PTHLH: variants seen among roughly 807,000 people sequenced by gnomAD.
PTHLH encodes the protein parathyroid hormone like hormone, also known as parathyroid hormone-related protein.
In PTHLH, 5 loss-of-function variants were observed where a neutral mutation model predicts 18.6. That is an observed-to-expected ratio of 0.27 (90% CI 0.14 to 0.56). PTHLH has a LOEUF of 0.56. Ranked by LOEUF, PTHLH falls within the 20% of genes least tolerant of loss-of-function variation. PTHLH has a pLI of 0.92. For synonymous variants in PTHLH, 90 were observed against 94.0 expected, an observed-to-expected ratio of 0.96 and a Z score of 0.25; for missense variants, 207 against 223.9, an observed-to-expected ratio of 0.92 and a Z score of 0.48.
At position 27,958,462 on chromosome 12, in the gene PTHLH, T is replaced by G. The variant is rs1006710217; in HGVS notation, c.*97A>C. On this transcript the variant is annotated 3_prime_UTR_variant, in exon 6 of 6. Transcript: ENST00000545234. ...GGAGACAGTTTTATTCCAATGCATT[T>G]ACAGTATTTACAGACAATAAATATT... 4.3e-6 allele frequency: 5 copies of G among 1,173,320 alleles called. No individual in the cohort carries two copies. Among genetic ancestry groups the G allele is most frequent in the Non-Finnish European group, 5.9e-6 (5 of 847,658 alleles). 72.7% of individuals were successfully genotyped at this position (1,173,320 alleles called of 1,614,324 possible).
chr12:27,962,230 C>A, intron 5 of PTHLH: 2 of 280,900 alleles, frequency 7.1e-6, no homozygotes, highest in Non-Finnish European at 1.2e-5. Flanking sequence ...AAACATACCC[C>A]CCTAGATAGA....
chr12:27,958,527 AAT>A lies in PTHLH; in HGVS notation c.*30_*31del. 1 of 1,559,002 alleles carries A rather than the reference AAT, an allele frequency of 6.4e-7. No individual in the cohort carries two copies. The highest frequency in any genetic ancestry group is 8.7e-7 in the Non-Finnish European group (1 of 1,146,556). ...TATGTTCACTATTACAGAATCCTGC[AAT>A]ATGTCCTTGGAAGGTCTCTGCTGAA... On this transcript the variant is annotated 3_prime_UTR_variant, in exon 6 of 6. Transcript: ENST00000545234.
chr12:27,965,026 A>G (rs1349258353), intron 4 of PTHLH, among the ~76,000 whole-genome samples: 1 of 152,188 alleles, frequency 6.6e-6, no homozygotes, highest in African/African-American at 2.4e-5. Flanking sequence ...CCCTGAAACA[A>G]TGGTGTCTGG....
At chr12:27,962,493 T>C in intron 5 of PTHLH, 2 of 965,522 alleles carry the variant, frequency 2.1e-6, no homozygotes, top group Non-Finnish European at 2.5e-6. Context: ...CTTAAATAAA[T>C]TCAGACCCAA....
intron 3 of PTHLH, 70 bp from the exon 4 acceptor site, chr12:27,969,586 C>A: frequency 1.6e-6 from 2 of 1,276,422 alleles, no homozygotes; most frequent in African/African-American, 1.5e-5. Context: ...CTCCGCTCCC[C>A]CTTTTTAGCC....
At position 27,963,428 on chromosome 12, in the gene PTHLH, T is replaced by C; in HGVS notation, c.444A>G (p.Leu148=). 1.2e-6 allele frequency: 2 copies of C among 1,614,166 alleles called. No homozygotes were observed. The highest frequency in any genetic ancestry group is 1.7e-6 in the Non-Finnish European group (2 of 1,180,022). The part of the protein sequence containing the change: ...KKKRRTRSAW[L]DSGVTGSGLE... ...GCCCACTCCCAGTCACTCCAGAGTC[T>C]AACCAGGCAGAGCGAGTTCGCCGTT... Residue 148 remains leucine (L), a synonymous_variant, in exon 5 of 6, where the codon TTA becomes TTG. Coordinates refer to ENST00000545234, the MANE Select transcript of PTHLH (RefSeq NM_198965.2).
chr12:27,971,708 T>C (rs1196636122), intron 2 of PTHLH, among the ~76,000 whole-genome samples: 1 of 151,964 alleles, frequency 6.6e-6, no homozygotes, highest in Non-Finnish European at 1.5e-5. Flanking sequence ...GCTCCTGCCT[T>C]CCTCAGTTCA....
chr12:27,962,244 A>G, intron 5 of PTHLH: 1 of 301,842 alleles, frequency 3.3e-6, no homozygotes, highest in Non-Finnish European at 6.1e-6. Flanking sequence ...AGATAGATAG[A>G]TAGATAGATA....
intron 5 of PTHLH, among the ~76,000 whole-genome samples, chr12:27,961,289 A>ATATATATACGTATATATATATACACG (rs2062752137): frequency 6.3e-5 from 2 of 31,574 alleles, no homozygotes; most frequent in Non-Finnish European, 1.2e-4. Context: ...ATATATACGT[A>ATATATATACGTATATATATATACACG]TATATATATA....
rs991806422 is a variant in PTHLH, at chr12:27,961,611, A to G, written c.524+1737T>C. ...TACAGTTAGGATCCTATCTTAAAACACACTAAATATGTGCAGTAAGCCAGA... is the reference window on the plus strand; with the variant it reads ...TACAGTTAGGATCCTATCTTAAAACGCACTAAATATGTGCAGTAAGCCAGA... On this transcript the variant is annotated intron_variant, in intron 5 of 5. Coordinates refer to ENST00000545234, the MANE Select transcript of PTHLH (RefSeq NM_198965.2). 3.4e-5 allele frequency: 8 copies of G among 238,756 alleles called. No homozygotes were observed. In the Admixed American group the frequency reaches 3.8e-4, roughly 11 times the overall value. 14.8% of individuals were successfully genotyped at this position (238,756 alleles called of 1,614,324 possible).
Position 27,963,371 on chromosome 12 carries a change from T to G in PTHLH, c.501A>C (p.Thr167=), listed in dbSNP as rs758847121. ...LEGDHLSDTS[T]TSLELDSRRH is the part of the protein sequence containing the mutation. ...ACCGTGAATCGAGCTCCAGCGACGT[T>G]GTGGAGGTGTCAGACAGGTGGTCCC... The change falls in exon 5 of 6, where the codon ACA becomes ACC. Residue 167 remains threonine (T), a synonymous_variant. Transcript: ENST00000545234. 1.2e-6 allele frequency: 2 copies of G among 1,614,192 alleles called. No homozygotes were observed. The highest frequency in any genetic ancestry group is 3.3e-5 in the Admixed American group (2 of 60,022).
At chr12:27,962,475 G>C (rs1013766902) in intron 5 of PTHLH, 1 of 908,792 alleles carries the variant, frequency 1.1e-6, no homozygotes, top group African/African-American at 1.8e-5. Context: ...CTTGCCCTAG[G>C]TTGTGAACTT....
At chr12:27,968,440 A>T (rs994672016) in intron 4 of PTHLH, among the ~76,000 whole-genome samples, 1 of 152,220 alleles carries the variant, frequency 6.6e-6, no homozygotes, top group South Asian at 2.1e-4. Context: ...AGTCAAACGC[A>T]TCTCAGTTCT....
chr12:27,961,235 A>C (rs985418792), intron 5 of PTHLH, among the ~76,000 whole-genome samples: 2 of 144,204 alleles, frequency 1.4e-5, no homozygotes, highest in African/African-American at 5.0e-5. Context: ...TTTGAAATAA[A>C]TAAAATCCAT....
Position 27,963,534 on chromosome 12 carries a change from G to A in PTHLH, c.338C>T (p.Thr113Met), listed in dbSNP as rs141989276. The change falls in exon 5 of 6, where the codon ACG becomes ATG. Residue 113 changes from threonine to methionine, a missense_variant. Thr to Met is a moderately conservative substitution (Grantham distance 81). Coordinates refer to ENST00000545234, the MANE Select transcript of PTHLH (RefSeq NM_198965.2). ...YLTQETNKVE[T>M]YKEQPLKTPG... ...TGTCTTGAGCGGCTGCTCTTTGTACGTCTCCACCTTGTTAGTTTCCTGAGT... is the reference window on the plus strand; with the variant it reads ...TGTCTTGAGCGGCTGCTCTTTGTACATCTCCACCTTGTTAGTTTCCTGAGT... 340 of 1,613,956 alleles carry A rather than the reference G, an allele frequency of 2.1e-4. No homozygotes were observed. The highest frequency in any genetic ancestry group is 3.1e-4 in the South Asian group (28 of 91,080).
chr12:27,961,691 A>G, intron 5 of PTHLH: 1 of 445,920 alleles, frequency 2.2e-6, no homozygotes, highest in Non-Finnish European at 3.9e-6. Flanking sequence ...AGGATAGGTC[A>G]TTCACTGTGC....
chr12:27,963,305 T>C (rs1233498967), intron 5 of PTHLH, 43 bp downstream of exon 5: 4 of 1,613,972 alleles, frequency 2.5e-6, no homozygotes, highest in Non-Finnish European at 3.4e-6. Flanking sequence ...AAAACCCAGC[T>C]GAGAGCACCC....
chr12:27,965,306 C>G (rs1324213197), intron 4 of PTHLH, among the ~76,000 whole-genome samples: 1 of 152,218 alleles, frequency 6.6e-6, no homozygotes, highest in African/African-American at 2.4e-5. Flanking sequence ...CCAGCCTGTT[C>G]CTGTGTTGAG....
chr12:27,969,136 A>G (rs990502412), intron 4 of PTHLH: 3 of 519,526 alleles, frequency 5.8e-6, no homozygotes, highest in African/African-American at 3.8e-5. Context: ...TCCCTAGAAG[A>G]GATTCTGTGA....
Sources: allele counts gnomAD v4.1 joint callset (sites outside exome capture counted in the v4.1 genomes callset), GRCh38; gene constraint gnomAD v4.1.1; transcripts MANE v1.5; gene names NCBI Gene and HGNC (gene_info 2026-07-23, HGNC 2026-07-21).